IRAK1BP1: variants seen among roughly 807,000 people sequenced by gnomAD.
The protein encoded by IRAK1BP1 is interleukin-1 receptor-associated kinase 1-binding protein 1.
Under a neutral mutation model 28.0 loss-of-function variants are expected in IRAK1BP1, and 24 were observed. That is an observed-to-expected ratio of 0.86 (90% confidence interval 0.62 to 1.20). The LOEUF is 1.20. Ranked by LOEUF, IRAK1BP1 falls within the 50% of genes most tolerant of loss-of-function variation. IRAK1BP1 has a pLI of 0.00. For missense variants in IRAK1BP1, 336 were observed against 316.7 expected (o/e 1.06, Z -0.46); for synonymous variants, 131 against 116.3 (o/e 1.13, Z -0.81).
chr6:78,910,671 G>C (rs1772382632), intron 4 of IRAK1BP1, among the ~76,000 whole-genome samples: 1 of 150,362 alleles, frequency 6.7e-6, no homozygotes, highest in Admixed American at 6.6e-5. Flanking sequence ...AGTGGCGGCG[G>C]ATGACCCGGG....
the IRAK1BP1 span, among the ~76,000 whole-genome samples, chr6:78,963,536 T>C: frequency 2.0e-5 from 3 of 152,152 alleles, no homozygotes; most frequent in Non-Finnish European, 4.4e-5. Flanking sequence ...TTCTATAAAA[T>C]ATGCAAATTT....
chr6:78,903,110 T>C, downstream of IRAK1BP1: 4 of 1,413,890 alleles, frequency 2.8e-6, no homozygotes, highest in South Asian at 1.2e-5. Flanking sequence ...GGACTCTGAA[T>C]GTAAGTTGGT....
chr6:78,930,805 G>A (rs77462970), intron 4 of IRAK1BP1, among the ~76,000 whole-genome samples: 11,241 of 151,900 alleles, frequency 0.074, 517 homozygotes, highest in African/African-American at 0.13. Context: ...GGTGGTGAGC[G>A]CTTGTAGTCC....
chr6:78,880,448 C>G (rs1239580948), intron 1 of IRAK1BP1, among the ~76,000 whole-genome samples: 5 of 152,016 alleles, frequency 3.3e-5, no homozygotes, highest in Non-Finnish European at 7.4e-5. Flanking sequence ...ATGAAACAAA[C>G]AAAAAGATAA....
chr6:78,938,111 C>T (rs1428237980), intron 4 of IRAK1BP1: 6 of 151,620 alleles, frequency 4.0e-5, no homozygotes, highest in Non-Finnish European at 7.4e-5. Flanking sequence ...CTTAATTCAA[C>T]TTCTGTAATG....
intron 4 of IRAK1BP1, among the ~76,000 whole-genome samples, chr6:78,928,421 G>A (rs1391278000): frequency 2.0e-5 from 3 of 152,044 alleles, no homozygotes; most frequent in African/African-American, 7.2e-5. Context: ...GTGTGTGTGT[G>A]TGGAGTCTTC....
the IRAK1BP1 span, among the ~76,000 whole-genome samples, chr6:78,952,732 A>G: frequency 6.6e-6 from 1 of 152,074 alleles, no homozygotes; most frequent in Non-Finnish European, 1.5e-5. Context: ...CCAGGATTCT[A>G]TTTAGTTGAT....
intron 2 of IRAK1BP1, among the ~76,000 whole-genome samples, chr6:78,891,992 A>T (rs920477878): frequency 2.0e-5 from 3 of 152,142 alleles, no homozygotes; most frequent in African/African-American, 7.2e-5. Flanking sequence ...TATAAGACTC[A>T]TTCCGTTTTC....
intron 1 of IRAK1BP1, chr6:78,871,509 G>A (rs1049231470): frequency 2.0e-6 from 2 of 985,332 alleles, no homozygotes; most frequent in African/African-American, 3.5e-5. Context: ...CAGCAGACGA[G>A]AACTTACCTT....
intron 4 of IRAK1BP1, among the ~76,000 whole-genome samples, chr6:78,930,672 A>G (rs962485853): frequency 2.0e-5 from 3 of 152,104 alleles, no homozygotes; most frequent in East Asian, 1.9e-4. Context: ...GCTCACACCT[A>G]TAATCCCAGC....
chr6:78,912,540 ACACCACCAC>A (rs780097580), intron 4 of IRAK1BP1, among the ~76,000 whole-genome samples: 1 of 152,192 alleles, frequency 6.6e-6, no homozygotes, highest in South Asian at 2.1e-4. Flanking sequence ...ACACACATAC[ACACCACCAC>A]CACCACCAGC....
chr6:78,932,607 C>CG (rs1773089354), intron 4 of IRAK1BP1, among the ~76,000 whole-genome samples: 1 of 151,706 alleles, frequency 6.6e-6, no homozygotes, highest in Non-Finnish European at 1.5e-5. Flanking sequence ...TTAGTAGAGA[C>CG]GGGGTTTCAC....
In IRAK1BP1 at chr6:78,900,958, GA is replaced by G. The variant is rs1221370754; in HGVS notation, c.*2628del. 6.6e-6 allele frequency: 1 copy of G among 151,980 alleles called. No homozygotes were observed. The highest frequency in any genetic ancestry group is 1.5e-5 in the Non-Finnish European group (1 of 67,970). The allele number at this position is 151,980 out of a possible 1,614,324, so 9.4% of individuals were successfully genotyped here. The stretch of plus-strand genomic sequence containing the variant: ...AGCCATATTGAAAATAAAGTTGTCA[GA>G]AAACCAATGTAACATATGTTGAATT... On this transcript the variant is annotated 3_prime_UTR_variant, in exon 4 of 4. Coordinates refer to ENST00000369940, the MANE Select transcript of IRAK1BP1 (RefSeq NM_001010844.4).
At chr6:78,884,699 A>C (rs1771353628) in intron 1 of IRAK1BP1, among the ~76,000 whole-genome samples, 1 of 152,132 alleles carries the variant, frequency 6.6e-6, no homozygotes, top group Non-Finnish European at 1.5e-5. Context: ...TAAGGCTCAA[A>C]AAATTTAGTA....
intron 4 of IRAK1BP1, among the ~76,000 whole-genome samples, chr6:78,934,720 CAG>C (rs1354986662): frequency 1.3e-5 from 2 of 152,146 alleles, no homozygotes; most frequent in Non-Finnish European, 2.9e-5. Context: ...TTAGACCTCA[CAG>C]ATAATTTAAT....
At chr6:78,910,674 G>T (rs931324893) in intron 4 of IRAK1BP1, among the ~76,000 whole-genome samples, 1 of 152,272 alleles carries the variant, frequency 6.6e-6, no homozygotes, top group African/African-American at 2.4e-5. Flanking sequence ...GGCGGCGGAT[G>T]ACCCGGGCTC....
chr6:78,871,290 G>A, intron 1 of IRAK1BP1: 1 of 985,264 alleles, frequency 1.0e-6, no homozygotes, highest in Non-Finnish European at 1.2e-6. Flanking sequence ...GGTCACTCAG[G>A]ATGCATATCT....
Position 78,941,047 on chromosome 6 carries a change from A to C in IRAK1BP1, c.*68-4361A>C, listed in dbSNP as rs372154191. 43 of 1,613,902 alleles carry C rather than the reference A, an allele frequency of 2.7e-5. No individual in the cohort carries two copies. The highest frequency in any genetic ancestry group is 3.6e-5 in the Non-Finnish European group (42 of 1,179,960). ...CTCCACGATTCTTTTTCTGTAACAA[A>C]TCTTCCTTTACATTATTAGTTTCAG... On this transcript the variant is annotated intron_variant and NMD_transcript_variant, in intron 4 of 4. Coordinates refer to the IRAK1BP1 transcript ENST00000606868.
Position 78,901,118 on chromosome 6 carries a change from A to G in IRAK1BP1, c.*2784A>G, listed in dbSNP as rs1036133663. On this transcript the variant is annotated 3_prime_UTR_variant, in exon 4 of 4. Coordinates refer to ENST00000369940, the MANE Select transcript of IRAK1BP1 (RefSeq NM_001010844.4). The stretch of plus-strand genomic sequence containing the variant: ...TTTTTTTTTTTTTAGCTATGGGTTC[A>G]TGCTGTATTTGGTTGCATCATATTT... 2 of 151,606 alleles carry G rather than the reference A, an allele frequency of 1.3e-5. No homozygotes were observed. Among genetic ancestry groups the G allele is most frequent in the Non-Finnish European group, 1.5e-5 (1 of 67,890 alleles). 9.4% of individuals were successfully genotyped at this position (151,606 alleles called of 1,614,324 possible). A position where few individuals can be genotyped will look rare whatever the true frequency, so the allele number is the denominator to read the frequency against.
Sources: gnomAD v4.1 joint callset for allele counts (sites outside exome capture counted in the v4.1 genomes callset) on GRCh38, gnomAD v4.1.1 for gene constraint, MANE v1.5 for transcripts, NCBI Gene and HGNC (gene_info 2026-07-23, HGNC 2026-07-21) for gene names.